The following SMG6 variants were observed in gnomAD, a reference collection of about 807,000 sequenced individuals.
SMG6 encodes the protein SMG6 nonsense mediated mRNA decay factor.
SMG6 carries 66 observed loss-of-function variants against 142.2 expected under a neutral mutation model. The observed-to-expected ratio is 0.46, with a 90% CI of 0.38 to 0.57. The LOEUF (loss-of-function observed/expected upper bound fraction) is 0.57. Among genes scored for constraint, SMG6 ranks in the 20% least tolerant of loss-of-function variants. The pLI is 0.00. For missense variants in SMG6, 1,793 were observed against 1,832.0 expected, an observed-to-expected ratio of 0.98 and a Z score of 0.39; for synonymous variants, 779 against 702.4, an observed-to-expected ratio of 1.11 and a Z score of -1.72.
Position 2,207,117 on chromosome 17 carries a change from C to CAAA in SMG6, c.2870-18605_2870-18603dup, listed in dbSNP as rs34276256. On this transcript the variant is annotated intron_variant, in intron 10 of 18. Transcript: ENST00000263073. ...TGAAATCTTGTCTCTACTAAAAATC[C>CAAA]AAAAAAAAAAAAAAAAAAAAAAATA... 4.6e-4 allele frequency among the ~76,000 whole-genome samples: 37 copies of CAAA among 79,792 alleles called. 1 individual carries two copies. Among genetic ancestry groups the CAAA allele is most frequent in the East Asian group, 6.2e-4 (1 of 1,612 alleles). 52.3% of individuals were successfully genotyped at this position (79,792 alleles called of 152,430 possible).
chr17:2,178,369 T>C (rs1014496448), intron 12 of SMG6, among the ~76,000 whole-genome samples: 3 of 152,206 alleles, frequency 2.0e-5, no homozygotes, highest in Non-Finnish European at 4.4e-5. Context: ...TAAGAGATGT[T>C]TGCTGGGTGA....
rs548701045 is a variant in SMG6 at position 2,212,006 on chromosome 17, T to C, written c.2870-23491A>G. Among the ~76,000 whole-genome samples, 3 of 152,326 alleles carry C rather than the reference T, an allele frequency of 2.0e-5. No homozygotes were observed. The East Asian group carries it at 5.8e-4, about 29-fold the overall frequency. ...CTGGAGCTCCAGAAGTCAGTACCAA[T>C]TTCAAATCTGATCAGCATCTCTGAA... On this transcript the variant is annotated intron_variant, in intron 10 of 18. Transcript: ENST00000263073.
intron 13 of SMG6, among the ~76,000 whole-genome samples, chr17:2,154,442 T>A (rs1313292872): frequency 6.6e-6 from 1 of 152,202 alleles, no homozygotes; most frequent in Non-Finnish European, 1.5e-5. Context: ...CAAAGATTTA[T>A]GTTGGAAAAA....
chr17:2,283,767 C>T (rs367749975), intron 6 of SMG6, 32 bp from the exon 7 acceptor site: 18 of 1,561,790 alleles, frequency 1.2e-5, no homozygotes, highest in South Asian at 4.5e-5. Context: ...ATTCAGTCAA[C>T]CAATTCTCGT....
chr17:2,183,260 G>GAAAAAGAAAGA (rs1256115602), intron 12 of SMG6, among the ~76,000 whole-genome samples: 3 of 136,608 alleles, frequency 2.2e-5, no homozygotes, highest in East Asian at 5.0e-4. Flanking sequence ...AGGGAAGAAG[G>GAAAAAGAAAGA]AAAAAGAAAG....
chr17:2,253,820 G>T (rs566533858), intron 8 of SMG6, among the ~76,000 whole-genome samples: 25 of 152,130 alleles, frequency 1.6e-4, no homozygotes, highest in African/African-American at 5.8e-4. Flanking sequence ...TCCTGCTCTC[G>T]GACAGTCACA....
intron 13 of SMG6, among the ~76,000 whole-genome samples, chr17:2,111,570 C>G (rs1195395225): frequency 6.6e-6 from 1 of 152,100 alleles, no homozygotes; most frequent in South Asian, 2.1e-4. Flanking sequence ...TGCCACCACG[C>G]CTGGCTAATT....
chr17:2,149,577 G>C (rs1213735938), intron 13 of SMG6, among the ~76,000 whole-genome samples: 1 of 152,178 alleles, frequency 6.6e-6, no homozygotes, highest in Non-Finnish European at 1.5e-5. Context: ...GGGCTGTCCC[G>C]TGACCCCCAT....
intron 8 of SMG6, among the ~76,000 whole-genome samples, chr17:2,269,495 AGT>A (rs2074501271): frequency 1.3e-5 from 2 of 151,912 alleles, no homozygotes; most frequent in Admixed American, 6.6e-5. Context: ...AAATACAACA[AGT>A]TGAGCATGTG....
chr17:2,095,283 C>G (rs1347145853), intron 13 of SMG6, among the ~76,000 whole-genome samples: 1 of 152,238 alleles, frequency 6.6e-6, no homozygotes, highest in Non-Finnish European at 1.5e-5. Flanking sequence ...AGCACTGAAC[C>G]TTGGGCTCTA....
At chr17:2,144,397 G>A (rs890701378) in intron 13 of SMG6, among the ~76,000 whole-genome samples, 2 of 151,986 alleles carry the variant, frequency 1.3e-5, no homozygotes, top group African/African-American at 4.8e-5. Context: ...GTAGAGATGG[G>A]TTTCTCATCA....
chr17:2,099,280 G>A (rs1209824485), intron 13 of SMG6, among the ~76,000 whole-genome samples: 2 of 151,822 alleles, frequency 1.3e-5, no homozygotes, highest in Non-Finnish European at 2.9e-5. Context: ...TGTTTGGGGG[G>A]TGCTCCTCAT....
At position 2,202,286 on chromosome 17, in the gene SMG6, C is replaced by T. The variant is rs2072552511; in HGVS notation, c.2870-13771G>A. 2.0e-5 allele frequency among the ~76,000 whole-genome samples: 3 copies of T among 152,184 alleles called. 1 individual carries two copies. The South Asian group carries it at 6.2e-4, about 32-fold the overall frequency. On this transcript the variant is annotated intron_variant, in intron 10 of 18. Transcript: ENST00000263073. The stretch of plus-strand genomic sequence containing the variant: ...CATTCGAATGTCAAAAACAGACTCA[C>T]ACCTGTAATCCTAGCACTTTGGGAA...
chr17:2,269,642 C>A (rs181302726), intron 8 of SMG6, among the ~76,000 whole-genome samples: 1 of 152,214 alleles, frequency 6.6e-6, no homozygotes, highest in African/African-American at 2.4e-5. Flanking sequence ...CTTTGTGTAG[C>A]CACGTATTCC....
intron 13 of SMG6, among the ~76,000 whole-genome samples, chr17:2,119,392 C>T (rs1206049096): frequency 6.6e-6 from 1 of 151,986 alleles, no homozygotes; most frequent in South Asian, 2.1e-4. Context: ...CAGGGTTTTA[C>T]CATATTGGCC....
chr17:2,174,186 G>A (rs1279253440), intron 12 of SMG6, among the ~76,000 whole-genome samples: 1 of 152,088 alleles, frequency 6.6e-6, no homozygotes, highest in Non-Finnish European at 1.5e-5. Flanking sequence ...ATCACTTGAG[G>A]CCAGGAGTTC....
chr17:2,174,921 C>T (rs564828507), intron 12 of SMG6, among the ~76,000 whole-genome samples: 2 of 152,326 alleles, frequency 1.3e-5, no homozygotes, highest in South Asian at 2.1e-4. Flanking sequence ...GAACTTTCCA[C>T]GACCCCATCT....
At chr17:2,065,873 A>ACT (rs1189614669) in intron 16 of SMG6, 194 bp from the exon 17 acceptor site, 1 of 596,376 alleles carries the variant, frequency 1.7e-6, no homozygotes, top group Non-Finnish European at 3.0e-6. Context: ...ACAGGGCTCT[A>ACT]CTCCCTTTCT....
intron 8 of SMG6, among the ~76,000 whole-genome samples, chr17:2,274,371 T>C (rs1271246622): frequency 6.6e-6 from 1 of 152,178 alleles, no homozygotes; most frequent in Non-Finnish European, 1.5e-5. Context: ...CATGGTCTTC[T>C]ACTCCAAAAA....
Sources: allele counts gnomAD v4.1 joint callset (sites outside exome capture counted in the v4.1 genomes callset), GRCh38; gene constraint gnomAD v4.1.1; transcripts MANE v1.5; gene names NCBI Gene and HGNC (gene_info 2026-07-23, HGNC 2026-07-21).